The following TSPAN14 variants were observed in gnomAD, a reference collection of about 807,000 sequenced individuals.
The protein encoded by TSPAN14 is tetraspanin-14.
In TSPAN14, 16 loss-of-function variants were observed where a neutral mutation model predicts 36.6. That is an observed-to-expected ratio of 0.44 (90% CI 0.30 to 0.66). The LOEUF is 0.66. Ranked by LOEUF, TSPAN14 falls within the 30% of genes least tolerant of loss-of-function variation. The probability of loss-of-function intolerance (pLI) is 0.12; values close to 1 mark genes in which losing one functional copy is unlikely to be tolerated. For synonymous variants in TSPAN14, 139 were observed against 143.8 expected (o/e 0.97, Z 0.24); for missense variants, 231 against 355.1 (o/e 0.65, Z 2.81).
chr10:80,480,999 A>G (rs1175288393), intron 1 of TSPAN14, among the ~76,000 whole-genome samples: 9 of 152,102 alleles, frequency 5.9e-5, no homozygotes, highest in Admixed American at 2.0e-4. Flanking sequence ...TAGCTACTCC[A>G]GAGGCTGAGG....
At position 80,474,920 on chromosome 10, in the gene TSPAN14, T is replaced by C. The variant is rs529905014; in HGVS notation, c.-17-14297T>C. On this transcript the variant is annotated intron_variant, in intron 1 of 8. Coordinates refer to ENST00000429989, the Ensembl canonical transcript of TSPAN14. ...CAGAGCTTCCCAAATTTTCATCTTA[T>C]TCAGGATCTTAGTGAAATGCAGATT... Among the ~76,000 whole-genome samples, 14 of 152,330 alleles carry C rather than the reference T, an allele frequency of 9.2e-5. No individual in the cohort carries two copies. In the East Asian group the frequency reaches 2.3e-3, roughly 25 times the overall value.
chr10:80,499,803 T>C (rs746648307), intron 2 of TSPAN14, among the ~76,000 whole-genome samples: 1 of 152,212 alleles, frequency 6.6e-6, no homozygotes, highest in Non-Finnish European at 1.5e-5. Flanking sequence ...ACAGTGACCA[T>C]AGCAGTTTAG....
intron 2 of TSPAN14, among the ~76,000 whole-genome samples, chr10:80,492,651 C>G (rs1847980795): frequency 6.6e-6 from 1 of 152,078 alleles, no homozygotes; most frequent in African/African-American, 2.4e-5. Context: ...TCCGTCTCTA[C>G]TAAAAATACA....
chr10:80,460,822 T>C (rs1323379545), intron 1 of TSPAN14, among the ~76,000 whole-genome samples: 2 of 152,142 alleles, frequency 1.3e-5, no homozygotes, highest in Non-Finnish European at 2.9e-5. Flanking sequence ...GAAGCTGAGC[T>C]CCTGCTGCAA....
intron 2 of TSPAN14, among the ~76,000 whole-genome samples, chr10:80,502,938 A>C (rs918321740): frequency 2.4e-4 from 37 of 151,996 alleles, no homozygotes; most frequent in African/African-American, 8.5e-4. Flanking sequence ...GAGGAAGAGC[A>C]GGGAGGAAGG....
chr10:80,476,114 A>G (rs996437627), intron 1 of TSPAN14, among the ~76,000 whole-genome samples: 4 of 152,184 alleles, frequency 2.6e-5, no homozygotes, highest in African/African-American at 9.6e-5. Context: ...GCTCACGCTT[A>G]TAATACAAGC....
intron 1 of TSPAN14, chr10:80,485,755 G>A (rs959138215): frequency 2.5e-5 from 22 of 874,640 alleles, no homozygotes; most frequent in African/African-American, 7.3e-5. Flanking sequence ...GTGGGAAAGC[G>A]GGGAGCGGAG....
At chr10:80,483,911 CAAAAAAAAAAAAAAAAAAAAAA>C (rs57795678) in intron 1 of TSPAN14, among the ~76,000 whole-genome samples, 202 of 16,544 alleles carry the variant, frequency 0.012, 3 homozygotes, top group Middle Eastern at 0.071. Context: ...ACTCTTGTCT[CAAAAAAAAAAAAAAAAAAAAAA>C]AAAAAAAAAA....
chr10:80,479,650 A>C (rs1017654906), intron 1 of TSPAN14, among the ~76,000 whole-genome samples: 4 of 152,134 alleles, frequency 2.6e-5, no homozygotes, highest in Admixed American at 1.3e-4. Context: ...CCATTGGTCT[A>C]TATCTCTGTT....
intron 1 of TSPAN14, among the ~76,000 whole-genome samples, chr10:80,486,988 C>T (rs1030717404): frequency 3.3e-5 from 5 of 152,132 alleles, no homozygotes; most frequent in African/African-American, 1.2e-4. Flanking sequence ...TTGGGAGGCC[C>T]TGGCAGGAGG....
intron 1 of TSPAN14, among the ~76,000 whole-genome samples, chr10:80,459,125 GGT>G (rs1845859789): frequency 6.6e-6 from 1 of 152,214 alleles, no homozygotes; most frequent in African/African-American, 2.4e-5. Context: ...GCCTGACACT[GGT>G]GTGAGACAGC....
At chr10:80,519,765 A>G (rs1841157904) in exon 9 of TSPAN14, 1 of 152,248 alleles carries the variant, frequency 6.6e-6, no homozygotes, top group Non-Finnish European at 1.5e-5. Context: ...AAGGCAGTCC[A>G]TCATCAGCAC....
rs1848397582 is a variant in TSPAN14 at position 80,499,881 on chromosome 10, C to T, written c.82-4847C>T. Among the ~76,000 whole-genome samples, 3 of 151,290 alleles carry T rather than the reference C, an allele frequency of 2.0e-5. No individual in the cohort carries two copies. The South Asian group carries it at 6.3e-4, about 32-fold the overall frequency. ...TGGGCCGGAGCTGGGCCCCGTTCTTCAGTAGGTAATTCAATTAGGTCATGG... is the reference window on the plus strand; with the variant it reads ...TGGGCCGGAGCTGGGCCCCGTTCTTTAGTAGGTAATTCAATTAGGTCATGG... On this transcript the variant is annotated intron_variant, in intron 2 of 8. Transcript: ENST00000429989.
chr10:80,488,961 T>G (rs1057293901), intron 1 of TSPAN14, among the ~76,000 whole-genome samples: 1 of 152,238 alleles, frequency 6.6e-6, no homozygotes, highest in African/African-American at 2.4e-5. Context: ...GAATTTCTGG[T>G]ACTTAGAAGA....
chr10:80,498,601 G>A (rs1431059658), intron 2 of TSPAN14, among the ~76,000 whole-genome samples: 1 of 152,178 alleles, frequency 6.6e-6, no homozygotes, highest in Non-Finnish European at 1.5e-5. Flanking sequence ...AGTAATTGGG[G>A]GTGGGGTACA....
chr10:80,490,651 G>A (rs562309242), intron 2 of TSPAN14, among the ~76,000 whole-genome samples: 1 of 152,314 alleles, frequency 6.6e-6, no homozygotes, highest in Admixed American at 6.5e-5. Context: ...TAGAAACCCA[G>A]CTGGAGTCGG....
chr10:80,519,512 TGA>T (rs1258357425), exon 9 of TSPAN14: 40 of 67,012 alleles, frequency 6.0e-4, no homozygotes, highest in African/African-American at 2.8e-3. Context: ...CTGTTGATGA[TGA>T]TTTTTTTTTT....
Position 80,509,236 on chromosome 10 carries a change from G to T in TSPAN14, c.280-65G>T. The T allele has an allele frequency of 6.4e-7, 1 of 1,550,564 alleles. No homozygotes were observed. The highest frequency in any genetic ancestry group is 8.8e-7 in the Non-Finnish European group (1 of 1,138,076). On this transcript the variant is annotated intron_variant, in intron 4 of 8. Transcript: ENST00000429989. The surrounding 1 kb of genome is among the most constrained non-coding windows in gnomAD (Gnocchi z 4.7). The stretch of plus-strand genomic sequence containing the variant: ...GGATGGTGGTTCTGGGTCAGGTGGG[G>T]TTATGTGTGTGGGGGTGCAGGCTGG...
chr10:80,504,181 A>T (rs1301499763), intron 2 of TSPAN14, among the ~76,000 whole-genome samples: 1 of 152,208 alleles, frequency 6.6e-6, no homozygotes, highest in Non-Finnish European at 1.5e-5. Flanking sequence ...AGCCCTGGCC[A>T]GTGAATGGCC....
Sources: gnomAD v4.1 joint callset for allele counts (sites outside exome capture counted in the v4.1 genomes callset) on GRCh38, gnomAD v4.1.1 for gene constraint, Gnocchi (gnomAD v3.1) non-coding constraint, MANE v1.5 for transcripts, NCBI Gene and HGNC (gene_info 2026-07-23, HGNC 2026-07-21) for gene names.